Variants in GSE1 observed in about 807,000 individuals in gnomAD.
GSE1 encodes the protein genetic suppressor element 1.
GSE1 carries 32 observed loss-of-function variants against 112.6 expected under a neutral mutation model. The observed-to-expected ratio is 0.28, with a 90% CI of 0.21 to 0.38. The LOEUF (loss-of-function observed/expected upper bound fraction) is 0.38, where lower values mean the gene tolerates loss of function less well. Among genes scored for constraint, GSE1 ranks in the 10% least tolerant of loss-of-function variants. GSE1 has a pLI of 1.00. For synonymous variants in GSE1, 1,115 were observed against 735.6 expected, an observed-to-expected ratio of 1.52 and a Z score of -8.35; for missense variants, 2,348 against 1,699.2, an observed-to-expected ratio of 1.38 and a Z score of -6.71.
chr16:85,418,548 G>T (rs1275441284), intron 2 of GSE1, among the ~76,000 whole-genome samples: 1 of 152,316 alleles, frequency 6.6e-6, no homozygotes, highest in African/African-American at 2.4e-5. Context: ...GCACACACAG[G>T]CCAGCAGCCT....
intron 2 of GSE1, among the ~76,000 whole-genome samples, chr16:85,426,750 T>C (rs937504469): frequency 1.3e-5 from 2 of 152,146 alleles, no homozygotes; most frequent in African/African-American, 4.8e-5. Context: ...GATGGATGGA[T>C]GAATGAACCA....
chr16:85,276,073 G>A (rs897517420), intron 1 of GSE1, among the ~76,000 whole-genome samples: 11 of 152,266 alleles, frequency 7.2e-5, no homozygotes, highest in African/African-American at 2.7e-4. Context: ...GGTCCTGGTA[G>A]ATTTCCTTGG....
At chr16:85,282,172 C>T (rs1041128458) in intron 1 of GSE1, among the ~76,000 whole-genome samples, 58 of 152,108 alleles carry the variant, frequency 3.8e-4, no homozygotes, top group African/African-American at 1.3e-3. Context: ...GGACTACAGG[C>T]GTGCACCACC....
At chr16:85,670,690 ATTTT>A (rs34099838) in intron 14 of GSE1, 1 of 168,038 alleles carries the variant, frequency 6.0e-6, no homozygotes, top group Non-Finnish European at 1.2e-5. Flanking sequence ...CTGAAAGCCT[ATTTT>A]TTTTTTTTTG....
chr16:85,209,137 T>C (rs572224112), intron 1 of GSE1, among the ~76,000 whole-genome samples: 9 of 152,328 alleles, frequency 5.9e-5, no homozygotes, highest in African/African-American at 2.2e-4. Context: ...TGCCGTGTGT[T>C]TACTGAGTCC....
At chr16:85,388,180 GTGGATGGA>G (rs1192902663) in intron 2 of GSE1, among the ~76,000 whole-genome samples, 2 of 146,374 alleles carry the variant, frequency 1.4e-5, no homozygotes, top group African/African-American at 2.6e-5. Flanking sequence ...GGATGGGTGG[GTGGATGGA>G]TGGATGGATG....
chr16:85,281,329 C>T (rs1317857296), intron 1 of GSE1, among the ~76,000 whole-genome samples: 1 of 152,052 alleles, frequency 6.6e-6, no homozygotes, highest in Non-Finnish European at 1.5e-5. Context: ...TGGATGGTGA[C>T]GTTCACACCC....
intron 13 of GSE1, 47 bp from the exon 14 acceptor site, chr16:85,668,093 G>C (rs1204396035): frequency 6.9e-7 from 1 of 1,456,286 alleles, no homozygotes; most frequent in Admixed American, 2.1e-5. Context: ...ACAGCACCCT[G>C]TGTCCCTTCC....
chr16:85,525,341 C>T (rs531365184), intron 2 of GSE1, among the ~76,000 whole-genome samples: 7 of 152,064 alleles, frequency 4.6e-5, no homozygotes, highest in South Asian at 2.1e-4. Context: ...GGGCCCAGTG[C>T]GGCTGGCTCA....
At chr16:85,563,764 G>C (rs1348632379) in intron 1 of GSE1, among the ~76,000 whole-genome samples, 2 of 152,224 alleles carry the variant, frequency 1.3e-5, no homozygotes, top group African/African-American at 4.8e-5. Context: ...CATTGGACTT[G>C]GGAGGGACCT....
chr16:85,255,378 C>G (rs1906962320), intron 1 of GSE1, among the ~76,000 whole-genome samples: 3 of 152,104 alleles, frequency 2.0e-5, no homozygotes, highest in South Asian at 2.1e-4. Flanking sequence ...CCTCAGTTTC[C>G]CCATCTGTAA....
At chr16:85,638,183 G>A (rs2050158612) in intron 2 of GSE1, among the ~76,000 whole-genome samples, 1 of 152,238 alleles carries the variant, frequency 6.6e-6, no homozygotes, top group South Asian at 2.1e-4. Context: ...TCCTCTCATT[G>A]TGTCTCAAGG....
At position 85,516,539 on chromosome 16, in the gene GSE1, T is replaced by C. The variant is rs1287575644; in HGVS notation, c.2465-117375T>C. 1.8e-4 allele frequency among the ~76,000 whole-genome samples: 25 copies of C among 138,346 alleles called. No individual in the cohort carries two copies. In the Admixed American group the frequency reaches 1.9e-3, roughly 11 times the overall value. 90.8% of individuals were successfully genotyped at this position (138,346 alleles called of 152,430 possible). A position where few individuals can be genotyped will look rare whatever the true frequency, so the allele number is the denominator to read the frequency against. On this transcript the variant is annotated intron_variant, in intron 2 of 2. Coordinates refer to the GSE1 transcript ENST00000637419. The stretch of plus-strand genomic sequence containing the variant: ...AGGTCGAGTTTGCACTGAGACATGA[T>C]GGCACCATTGCCCTCACTCTACAAG...
At chr16:85,324,755 A>C (rs560108082) in intron 1 of GSE1, among the ~76,000 whole-genome samples, 1 of 152,220 alleles carries the variant, frequency 6.6e-6, no homozygotes, top group South Asian at 2.1e-4. Flanking sequence ...AAATCCACAG[A>C]GACAGGAAGC....
chr16:85,328,780 G>A (rs1271668136), intron 1 of GSE1, among the ~76,000 whole-genome samples: 2 of 151,796 alleles, frequency 1.3e-5, no homozygotes, highest in Non-Finnish European at 2.9e-5. Context: ...GATTGACAAG[G>A]CCTTGCGGCT....
chr16:85,475,893 G>T (rs2050438627), intron 2 of GSE1, among the ~76,000 whole-genome samples: 1 of 151,436 alleles, frequency 6.6e-6, no homozygotes, highest in East Asian at 1.9e-4. Flanking sequence ...CTAAGCGCTA[G>T]CATTACAGGT....
At chr16:85,251,824 A>G (rs1449890304) in intron 1 of GSE1, among the ~76,000 whole-genome samples, 1 of 152,170 alleles carries the variant, frequency 6.6e-6, no homozygotes. Flanking sequence ...TGTCTGCATT[A>G]GGGGGCTGCA....
intron 2 of GSE1, among the ~76,000 whole-genome samples, chr16:85,639,601 GC>G (rs914365048): frequency 3.3e-5 from 5 of 152,248 alleles, no homozygotes; most frequent in African/African-American, 9.6e-5. Flanking sequence ...CCCCGAGGGT[GC>G]CCCGGGAACG....
Position 85,198,195 on chromosome 16 carries a change from T to C in GSE1, c.2283+26388T>C, listed in dbSNP as rs1331156769. On this transcript the variant is annotated intron_variant, in intron 1 of 2. Coordinates refer to the GSE1 transcript ENST00000637419. The stretch of plus-strand genomic sequence containing the variant: ...GGAGGGCTGGGAGCTGCAGTGAACC[T>C]GAGGACCCACAGGGTCACTGTAGCT... Among the ~76,000 whole-genome samples, 3 of 152,108 alleles carry C rather than the reference T, an allele frequency of 2.0e-5. No homozygotes were observed. In the East Asian group the frequency reaches 5.8e-4, roughly 29 times the overall value.
Sources: allele counts gnomAD v4.1 joint callset (sites outside exome capture counted in the v4.1 genomes callset), GRCh38; gene constraint gnomAD v4.1.1; transcripts MANE v1.5; gene names NCBI Gene and HGNC (gene_info 2026-07-23, HGNC 2026-07-21).